Variants in DTWD2 observed in about 807,000 individuals in gnomAD.
DTWD2 encodes DTW motif tRNA-uridine aminocarboxypropyltransferase 2.
A neutral mutation model predicts 31.8 loss-of-function variants in DTWD2; 39 were observed. The ratio of observed to expected loss-of-function variants is 1.22; its 90% confidence interval spans 0.95 to 1.60. DTWD2 has a LOEUF of 1.60. Ranked by LOEUF, DTWD2 falls within the 40% of genes most tolerant of loss-of-function variation. The pLI is 0.00. For missense variants in DTWD2, 515 were observed against 381.5 expected (o/e 1.35, Z -2.92); for synonymous variants, 180 against 142.8 (o/e 1.26, Z -1.86).
intron 4 of DTWD2, among the ~76,000 whole-genome samples, chr5:118,902,663 C>T (rs1360809188): frequency 6.6e-6 from 1 of 151,896 alleles, no homozygotes; most frequent in African/African-American, 2.4e-5. Context: ...CTGCAAACAC[C>T]CATCTGGAAA....
At chr5:118,987,901 G>A (rs1234142965) in intron 1 of DTWD2, among the ~76,000 whole-genome samples, 1 of 152,164 alleles carries the variant, frequency 6.6e-6, no homozygotes, top group African/African-American at 2.4e-5. Flanking sequence ...AAAGGAGACT[G>A]TCTCTCTCCT....
intron 1 of DTWD2, among the ~76,000 whole-genome samples, chr5:118,975,603 G>C (rs1755136125): frequency 6.6e-6 from 1 of 152,108 alleles, no homozygotes; most frequent in Non-Finnish European, 1.5e-5. Flanking sequence ...GAGGACAAGA[G>C]GCATTCTGGT....
chr5:118,856,857 C>G (rs1752147611), intron 4 of DTWD2, among the ~76,000 whole-genome samples: 1 of 143,308 alleles, frequency 7.0e-6, no homozygotes, highest in Non-Finnish European at 1.5e-5. Flanking sequence ...ACTGCAACCT[C>G]TGCCTCCTGG....
At chr5:118,919,483 T>C (rs1197275806) in intron 4 of DTWD2, among the ~76,000 whole-genome samples, 1 of 152,174 alleles carries the variant, frequency 6.6e-6, no homozygotes. Flanking sequence ...CAACACACAA[T>C]CTCAAACTTC....
chr5:118,986,030 G>C (rs996860825), intron 1 of DTWD2, among the ~76,000 whole-genome samples: 1 of 152,116 alleles, frequency 6.6e-6, no homozygotes, highest in Non-Finnish European at 1.5e-5. Flanking sequence ...CCGTCTGGAA[G>C]AAGGGTCTCC....
At chr5:118,841,109 T>C (rs1295897608) in intron 5 of DTWD2, 22 bp from the exon 6 acceptor site, 2 of 1,586,836 alleles carry the variant, frequency 1.3e-6, no homozygotes, top group Non-Finnish European at 1.7e-6. Context: ...AAAAAGACAC[T>C]AAAAAAGTAT....
chr5:118,912,066 C>T (rs1753469688), intron 4 of DTWD2, among the ~76,000 whole-genome samples: 1 of 152,214 alleles, frequency 6.6e-6, no homozygotes, highest in South Asian at 2.1e-4. Context: ...TTCTATAATT[C>T]ATCCATCAGA....
intron 3 of DTWD2, among the ~76,000 whole-genome samples, chr5:118,935,818 G>C (rs1322936400): frequency 6.6e-6 from 1 of 152,160 alleles, no homozygotes; most frequent in Non-Finnish European, 1.5e-5. Context: ...CAATTTCCTT[G>C]ATATTTGAGA....
chr5:118,974,006 G>C (rs1447419417), intron 1 of DTWD2: 1 of 1,600,174 alleles, frequency 6.2e-7, no homozygotes, highest in Non-Finnish European at 8.5e-7. Flanking sequence ...AGGTGATGGT[G>C]AGGAAGAGGA....
rs555099446 is a variant in DTWD2 at position 118,929,526 on chromosome 5, G to A, written c.405-797C>T. ...TTGTCCACAAATTTGTTCTGACCAC[G>A]AGGCATCCCTGGGGTCTCTCTGAAT... On this transcript the variant is annotated intron_variant, in intron 3 of 5. Transcript: ENST00000510708. 5.3e-5 allele frequency among the ~76,000 whole-genome samples: 8 copies of A among 150,012 alleles called. No individual in the cohort carries two copies. In the South Asian group the frequency reaches 1.5e-3, roughly 27 times the overall value.
chr5:118,850,121 A>G (rs748837158), intron 4 of DTWD2, among the ~76,000 whole-genome samples: 1 of 151,884 alleles, frequency 6.6e-6, no homozygotes, highest in Non-Finnish European at 1.5e-5. Context: ...CTGGTTAACT[A>G]TATGCCAAAG....
At chr5:118,844,742 T>C (rs191166231) in intron 5 of DTWD2, among the ~76,000 whole-genome samples, 1 of 152,332 alleles carries the variant, frequency 6.6e-6, no homozygotes, top group East Asian at 1.9e-4. Context: ...TGCTCTAGAA[T>C]AAAGAGTGAG....
chr5:118,850,664 G>C (rs1445193152), intron 4 of DTWD2, among the ~76,000 whole-genome samples: 2 of 151,884 alleles, frequency 1.3e-5, no homozygotes, highest in African/African-American at 4.8e-5. Flanking sequence ...GAGTTGGCAA[G>C]TGGAATCTAA....
intron 4 of DTWD2, among the ~76,000 whole-genome samples, chr5:118,904,482 C>T (rs763797584): frequency 6.6e-6 from 1 of 152,078 alleles, no homozygotes; most frequent in Non-Finnish European, 1.5e-5. Context: ...CACGCACACA[C>T]GTTTATGTAG....
chr5:118,987,186 AGAC>A (rs2149606863), intron 1 of DTWD2, among the ~76,000 whole-genome samples: 1 of 152,308 alleles, frequency 6.6e-6, no homozygotes, highest in African/African-American at 2.4e-5. Context: ...CAACCCCCTC[AGAC>A]GACTTGTTTA....
intron 4 of DTWD2, among the ~76,000 whole-genome samples, chr5:118,925,641 C>G (rs577873815): frequency 1.3e-5 from 2 of 151,272 alleles, no homozygotes; most frequent in Non-Finnish European, 1.5e-5. Context: ...GTCAGGAAAT[C>G]GAGACCATCC....
At chr5:118,972,475 A>G (rs1755009693) in intron 1 of DTWD2, among the ~76,000 whole-genome samples, 1 of 151,922 alleles carries the variant, frequency 6.6e-6, no homozygotes, top group Admixed American at 6.6e-5. Context: ...CAAGGCAGTA[A>G]TTAAATAGCC....
At chr5:118,854,845 T>C (rs184045072) in intron 4 of DTWD2, among the ~76,000 whole-genome samples, 27 of 152,302 alleles carry the variant, frequency 1.8e-4, no homozygotes, top group Non-Finnish European at 3.4e-4. Flanking sequence ...GATTTTACAT[T>C]AATCATAGAA....
intron 1 of DTWD2, among the ~76,000 whole-genome samples, chr5:118,978,849 T>TA (rs1755225484): frequency 6.7e-6 from 1 of 150,184 alleles, no homozygotes; most frequent in Non-Finnish European, 1.5e-5. Context: ...CCAACAAAAA[T>TA]AAAAAAATTA....
Sources: gnomAD v4.1 joint callset for allele counts (sites outside exome capture counted in the v4.1 genomes callset) on GRCh38, gnomAD v4.1.1 for gene constraint, MANE v1.5 for transcripts, NCBI Gene and HGNC (gene_info 2026-07-23, HGNC 2026-07-21) for gene names.